The following TULP4 variants were observed in gnomAD, a reference collection of about 807,000 sequenced individuals.
TULP4 encodes the protein tubby-related protein 4.
Under a neutral mutation model 129.0 loss-of-function variants are expected in TULP4, and 16 were observed. That is an observed-to-expected ratio of 0.12 (90% CI 0.08 to 0.19). The LOEUF is 0.19. TULP4 is among the 10% of genes least tolerant of loss of function. The pLI is 1.00. For synonymous variants in TULP4, 998 were observed against 854.0 expected (o/e 1.17, Z -2.94); for missense variants, 1,842 against 2,059.1 (o/e 0.89, Z 2.04).
intron 6 of TULP4, among the ~76,000 whole-genome samples, chr6:158,474,957 T>C (rs1156413912): frequency 1.3e-5 from 2 of 152,236 alleles, no homozygotes; most frequent in Admixed American, 6.5e-5. Context: ...GGGCAGAGAA[T>C]GTATTTGATT....
intron 8 of TULP4, among the ~76,000 whole-genome samples, chr6:158,489,233 C>G (rs956297043): frequency 1.3e-5 from 2 of 152,228 alleles, no homozygotes; most frequent in African/African-American, 2.4e-5. Context: ...GCAAGACCCT[C>G]AGCCCAGGTT....
chr6:158,338,847 C>A (rs1339329466), intron 1 of TULP4, among the ~76,000 whole-genome samples: 1 of 152,180 alleles, frequency 6.6e-6, no homozygotes, highest in Non-Finnish European at 1.5e-5. Context: ...TCTTGATTGA[C>A]AAATATTCTC....
At position 158,498,769 on chromosome 6, in the gene TULP4, C is replaced by T. The variant is rs552051786; in HGVS notation, c.1971C>T (p.Val657=). ...KISMDYINLP[V]FNPNVFSEDE... is the part of the protein sequence containing the mutation. The stretch of plus-strand genomic sequence containing the variant: ...CCATGGACTATATTAATTTACCTGT[C>T]TTCAACCCAAATGTTTTCAGTGAAG... Residue 657 remains valine, a synonymous_variant, in exon 12 of 14, where the codon GTC becomes GTT. Coordinates refer to ENST00000367097, the MANE Select transcript of TULP4 (RefSeq NM_020245.5). The T allele has an allele frequency of 2.5e-6, 4 of 1,614,212 alleles. No individual in the cohort carries two copies. In the South Asian group the frequency reaches 4.4e-5, roughly 18 times the overall value.
At chr6:158,311,698 C>T (rs375670501), upstream of TULP4, among the ~76,000 whole-genome samples, 33 of 152,286 alleles carry the variant, frequency 2.2e-4, no homozygotes, top group Non-Finnish European at 4.4e-4. Context: ...GCTTAAACAG[C>T]GACCATGGTC....
chr6:158,380,400 G>A (rs1044524610), intron 1 of TULP4, among the ~76,000 whole-genome samples: 2 of 152,172 alleles, frequency 1.3e-5, no homozygotes, highest in Non-Finnish European at 2.9e-5. Flanking sequence ...AGCTCAGTTG[G>A]TTCTCTCTCA....
rs569669351 is a variant in TULP4 at position 158,482,483 on chromosome 6, G to A, written c.1486+1194G>A. 3.3e-5 allele frequency among the ~76,000 whole-genome samples: 5 copies of A among 152,342 alleles called. No homozygotes were observed. The East Asian group carries it at 9.6e-4, about 29-fold the overall frequency. On this transcript the variant is annotated intron_variant, in intron 8 of 13. Transcript: ENST00000367097. ...CCAGGAACAAAGAAAGCAACTAGCAGAATTGGGGCTGGTAGGGAGGCAGAC... is the reference window on the plus strand; with the variant it reads ...CCAGGAACAAAGAAAGCAACTAGCAAAATTGGGGCTGGTAGGGAGGCAGAC...
intron 1 of TULP4, among the ~76,000 whole-genome samples, chr6:158,241,533 AG>A (rs1777911404): frequency 6.6e-6 from 1 of 151,804 alleles, no homozygotes; most frequent in Admixed American, 6.6e-5. Flanking sequence ...ACTCGCGGTT[AG>A]GGGCTGGAGA....
intron 2 of TULP4, among the ~76,000 whole-genome samples, chr6:158,424,021 C>G (rs891449431): frequency 7.2e-5 from 11 of 152,060 alleles, no homozygotes; most frequent in Admixed American, 3.3e-4. Flanking sequence ...GTACACATAT[C>G]TGATAAAGGA....
rs867749190 is a variant in TULP4 at position 158,239,332 on chromosome 6, C to T, written n.68+7029C>T. Reference sequence around the variant, plus strand: ...GCCGGGCAGAGGCGCCCCTCACCTCCCGGACGGGGCGGCTGGCCGGGCAGG... The same window carrying T: ...GCCGGGCAGAGGCGCCCCTCACCTCTCGGACGGGGCGGCTGGCCGGGCAGG... On this transcript the variant is annotated intron_variant and non_coding_transcript_variant, in intron 1 of 1. Transcript: ENST00000620026. Among the ~76,000 whole-genome samples, 533 of 55,704 alleles carry T rather than the reference C, an allele frequency of 9.6e-3. 16 individuals carry two copies. The highest frequency in any genetic ancestry group is 0.025 in the African/African-American group (391 of 15,844). The allele number at this position is 55,704 out of a possible 152,430, so 36.5% of individuals were successfully genotyped here. A position where few individuals can be genotyped will look rare whatever the true frequency, so the allele number is the denominator to read the frequency against.
At chr6:158,332,038 G>T (rs573399692) in intron 1 of TULP4, among the ~76,000 whole-genome samples, 2 of 149,388 alleles carry the variant, frequency 1.3e-5, no homozygotes, top group African/African-American at 4.9e-5. Context: ...CAGGCATCGT[G>T]GCACACACCT....
chr6:158,285,908 C>T (rs763817758), intron 1 of TULP4, among the ~76,000 whole-genome samples: 59 of 152,164 alleles, frequency 3.9e-4, no homozygotes, highest in Non-Finnish European at 4.4e-4. Context: ...GGGCTCTGTT[C>T]GGTTGCTGGC....
chr6:158,323,877 TGTAGTATATAC>T (rs1303490594), intron 1 of TULP4, among the ~76,000 whole-genome samples: 2 of 152,242 alleles, frequency 1.3e-5, no homozygotes, highest in East Asian at 3.8e-4. Context: ...ACACTTAGTA[TGTAGTATATAC>T]GTAGGATCTT....
At chr6:158,443,963 T>G (rs141181704) in intron 3 of TULP4, among the ~76,000 whole-genome samples, 12,905 of 152,098 alleles carry the variant, frequency 0.085, 687 homozygotes, top group Non-Finnish European at 0.13. Flanking sequence ...CTCACGCCTG[T>G]AATCCCAGCA....
At chr6:158,463,652 ATAT>A (rs1779493421) in intron 6 of TULP4, among the ~76,000 whole-genome samples, 12 of 50,226 alleles carry the variant, frequency 2.4e-4, no homozygotes, top group African/African-American at 1.5e-3. Context: ...TAATAAAAAT[ATAT>A]ATATATATAT....
intron 1 of TULP4, among the ~76,000 whole-genome samples, chr6:158,410,891 C>T (rs1778084331): frequency 6.6e-6 from 1 of 152,052 alleles, no homozygotes; most frequent in Admixed American, 6.5e-5. Flanking sequence ...GTACAAAGGA[C>T]TGTATTAATG....
chr6:158,241,987 A>G (rs9459763), intron 1 of TULP4: 147,621 of 876,150 alleles, frequency 0.17, 16,080 homozygotes, highest in Non-Finnish European at 0.19. Flanking sequence ...CTTGGAGTCA[A>G]AGACATTTTG....
At chr6:158,244,382 C>T (rs1223798864) in intron 1 of TULP4, among the ~76,000 whole-genome samples, 2 of 152,102 alleles carry the variant, frequency 1.3e-5, no homozygotes. Context: ...AAAGTAGATA[C>T]CATTTGTTGT....
chr6:158,365,797 A>T (rs1267552646), intron 1 of TULP4, among the ~76,000 whole-genome samples: 1 of 148,984 alleles, frequency 6.7e-6, no homozygotes, highest in Non-Finnish European at 1.5e-5. Flanking sequence ...TTTATATTAA[A>T]GTTGTTTTCA....
intron 1 of TULP4, among the ~76,000 whole-genome samples, chr6:158,382,695 A>G (rs959106821): frequency 1.3e-5 from 2 of 152,224 alleles, no homozygotes; most frequent in African/African-American, 2.4e-5. Context: ...ACCTTAAATC[A>G]TGTGTCTTTA....
Sources: allele counts gnomAD v4.1 joint callset (sites outside exome capture counted in the v4.1 genomes callset), GRCh38; gene constraint gnomAD v4.1.1; transcripts MANE v1.5; gene names NCBI Gene and HGNC (gene_info 2026-07-23, HGNC 2026-07-21).